The following NCOA2 variants were observed in gnomAD, a reference collection of about 807,000 sequenced individuals.
NCOA2 encodes nuclear receptor coactivator 2.
A neutral mutation model predicts 145.1 loss-of-function variants in NCOA2; 21 were observed. The ratio of observed to expected loss-of-function variants is 0.14; its 90% CI spans 0.10 to 0.21. The LOEUF (loss-of-function observed/expected upper bound fraction) is 0.21, where lower values mean the gene tolerates loss of function less well. Ranked by LOEUF, NCOA2 falls within the 10% of genes least tolerant of loss-of-function variation. NCOA2 has a pLI of 1.00. For missense variants in NCOA2, 1,472 were observed against 1,837.6 expected (o/e 0.80, Z 3.64); for synonymous variants, 619 against 637.5 (o/e 0.97, Z 0.44).
intron 1 of NCOA2, among the ~76,000 whole-genome samples, chr8:70,331,001 G>T (rs182661997): frequency 1.3e-5 from 2 of 151,474 alleles, no homozygotes; most frequent in East Asian, 2.0e-4. Flanking sequence ...AAAGCCTCCC[G>T]TACTCCCACT....
chr8:70,132,308 G>T (rs1404324289), intron 15 of NCOA2, among the ~76,000 whole-genome samples: 1 of 152,096 alleles, frequency 6.6e-6, no homozygotes, highest in African/African-American at 2.4e-5. Context: ...TGAGTCCAGG[G>T]CTCACCAACC....
At chr8:70,113,702 T>G in intron 22 of NCOA2, 59 bp from the exon 23 acceptor site, 1 of 1,480,688 alleles carries the variant, frequency 6.8e-7, no homozygotes, top group Non-Finnish European at 9.2e-7. Flanking sequence ...AAAAACATCA[T>G]AAAGCCCACC....
At chr8:70,446,310 G>T in the NCOA2 span, among the ~76,000 whole-genome samples, 2 of 152,132 alleles carry the variant, frequency 1.3e-5, no homozygotes, top group South Asian at 4.1e-4. Context: ...CCAAAATTTG[G>T]TTTTTGCCTC....
chr8:70,250,428 C>A (rs933921601), intron 2 of NCOA2, among the ~76,000 whole-genome samples: 2 of 144,424 alleles, frequency 1.4e-5, no homozygotes, highest in African/African-American at 5.2e-5. Flanking sequence ...AAAAGTCAGC[C>A]GAGCGTGGTG....
intron 11 of NCOA2, among the ~76,000 whole-genome samples, chr8:70,151,201 T>C (rs1197389303): frequency 1.3e-5 from 2 of 152,086 alleles, no homozygotes; most frequent in Admixed American, 6.5e-5. Context: ...TATTTCTCAA[T>C]GGATACATTT....
At chr8:70,396,620 C>A (rs891248499) in intron 1 of NCOA2, among the ~76,000 whole-genome samples, 1 of 152,122 alleles carries the variant, frequency 6.6e-6, no homozygotes, top group Non-Finnish European at 1.5e-5. Flanking sequence ...AAGAAAAAAT[C>A]TATAATTTCA....
intron 4 of NCOA2, among the ~76,000 whole-genome samples, chr8:70,197,427 G>C (rs979066117): frequency 6.6e-6 from 1 of 152,204 alleles, no homozygotes; most frequent in African/African-American, 2.4e-5. Context: ...GGGTCCCTAC[G>C]TCAGGGAGGG....
chr8:70,443,043 C>T, the NCOA2 span, among the ~76,000 whole-genome samples: 2 of 152,144 alleles, frequency 1.3e-5, no homozygotes, highest in African/African-American at 2.4e-5. Context: ...AACTTTTAGG[C>T]TTCCTCGAAG....
chr8:70,417,987 A>C, the NCOA2 span, among the ~76,000 whole-genome samples: 1 of 152,214 alleles, frequency 6.6e-6, no homozygotes, highest in African/African-American at 2.4e-5. Context: ...TATGTTTGTT[A>C]GTGGAAGAAT....
At chr8:70,217,742 G>A (rs1283742429) in intron 2 of NCOA2, among the ~76,000 whole-genome samples, 1 of 152,092 alleles carries the variant, frequency 6.6e-6, no homozygotes, top group African/African-American at 2.4e-5. Context: ...TAAACAAAGA[G>A]ACTTACAAAG....
At chr8:70,204,020 T>C (rs1281339943) in intron 4 of NCOA2, among the ~76,000 whole-genome samples, 1 of 152,046 alleles carries the variant, frequency 6.6e-6, no homozygotes, top group African/African-American at 2.4e-5. Flanking sequence ...TAGGATTCTT[T>C]TTTTTTTTTA....
chr8:70,214,797 A>G (rs1490983718), intron 3 of NCOA2, among the ~76,000 whole-genome samples: 1 of 152,154 alleles, frequency 6.6e-6, no homozygotes, highest in Non-Finnish European at 1.5e-5. Context: ...AGTAAACTGA[A>G]AAGTTCCTTT....
intron 1 of NCOA2, among the ~76,000 whole-genome samples, chr8:70,305,245 TA>T (rs1827802934): frequency 6.6e-6 from 1 of 151,756 alleles, no homozygotes; most frequent in South Asian, 2.1e-4. Flanking sequence ...TTCCAACACC[TA>T]AAGTACCCTC....
At chr8:70,159,731 T>C in intron 9 of NCOA2, 79 bp from the exon 10 acceptor site, 2 of 1,261,332 alleles carry the variant, frequency 1.6e-6, no homozygotes, top group Non-Finnish European at 2.2e-6. Context: ...ATAATAAGAG[T>C]AATCAACTTC....
intron 7 of NCOA2, among the ~76,000 whole-genome samples, chr8:70,166,198 GCTCA>G (rs1248853082): frequency 1.3e-5 from 2 of 152,160 alleles, no homozygotes; most frequent in Admixed American, 6.5e-5. Flanking sequence ...TCAAAAGTGT[GCTCA>G]CTAATACAGT....
rs956284301 is a variant in NCOA2, at chr8:70,112,313, G to C, written c.*1319C>G. 3 of 194,732 alleles carry C rather than the reference G, an allele frequency of 1.5e-5. No individual in the cohort carries two copies. Among genetic ancestry groups the C allele is most frequent in the Non-Finnish European group, 3.2e-5 (3 of 93,390 alleles). The allele number at this position is 194,732 out of a possible 1,614,324, so 12.1% of individuals were successfully genotyped here. On this transcript the variant is annotated 3_prime_UTR_variant, in exon 23 of 23. Coordinates refer to ENST00000452400, the MANE Select transcript of NCOA2 (RefSeq NM_006540.4). ...TAATACTGAAGTACCTCATTTTTGA[G>C]TCAATTCCACAATATGTATACCTCA...
At chr8:70,233,786 T>C (rs150431290) in intron 2 of NCOA2, among the ~76,000 whole-genome samples, 52 of 152,368 alleles carry the variant, frequency 3.4e-4, no homozygotes, top group African/African-American at 1.0e-3. Context: ...TTCTTCCTTT[T>C]TGAAGTTATC....
chr8:70,240,846 G>A (rs188195169), intron 2 of NCOA2, among the ~76,000 whole-genome samples: 54 of 152,192 alleles, frequency 3.5e-4, no homozygotes, highest in Admixed American at 1.2e-3. Context: ...CTCAGAATTC[G>A]CCAGTTCAAT....
chr8:70,223,318 T>C (rs1163965721), intron 2 of NCOA2, among the ~76,000 whole-genome samples: 1 of 152,218 alleles, frequency 6.6e-6, no homozygotes, highest in Non-Finnish European at 1.5e-5. Context: ...GACTTTCTAA[T>C]TCCTGAGAAA....
Sources: allele counts gnomAD v4.1 joint callset (sites outside exome capture counted in the v4.1 genomes callset), GRCh38; gene constraint gnomAD v4.1.1; transcripts MANE v1.5; gene names NCBI Gene and HGNC (gene_info 2026-07-23, HGNC 2026-07-21).